IL1RAPL1: variants seen among roughly 807,000 people sequenced by gnomAD.
IL1RAPL1 encodes the protein interleukin 1 receptor accessory protein like 1.
IL1RAPL1 carries 3 observed loss-of-function variants against 48.4 expected under a neutral mutation model. That is an observed-to-expected ratio of 0.06 (90% CI 0.03 to 0.16). The LOEUF (loss-of-function observed/expected upper bound fraction) is 0.16. Among genes scored for constraint, IL1RAPL1 ranks in the 10% least tolerant of loss-of-function variants. The pLI is 1.00. For synonymous variants in IL1RAPL1, 185 were observed against 187.7 expected (o/e 0.99, Z 0.12); for missense variants, 349 against 530.6 (o/e 0.66, Z 3.36).
intron 1 of IL1RAPL1, among the ~76,000 whole-genome samples, chrX:28,615,197 CTGTT>C (rs1934200067): frequency 9.1e-5 from 3 of 33,022 alleles, no homozygotes; most frequent in Admixed American, 4.8e-4. Context: ...CAACTGTTGT[CTGTT>C]TTTTTTTTTT....
intron 9 of IL1RAPL1, 54 bp downstream of exon 9, chrX:29,941,848 T>G (rs1933134639): frequency 8.8e-7 from 1 of 1,133,907 alleles, no homozygotes; most frequent in African/African-American, 1.8e-5. Flanking sequence ...TTCTTTCTTG[T>G]CTTTGTTTTA....
intron 2 of IL1RAPL1, among the ~76,000 whole-genome samples, chrX:29,185,499 C>T (rs1930232985): frequency 8.9e-6 from 1 of 111,972 alleles, no homozygotes; most frequent in Non-Finnish European, 1.9e-5. Context: ...CAGTAAAGCA[C>T]TTACCGCAAT....
chrX:29,483,410 T>A (rs1036582157), intron 5 of IL1RAPL1, among the ~76,000 whole-genome samples: 1 of 111,423 alleles, frequency 9.0e-6, no homozygotes, highest in African/African-American at 3.3e-5. Flanking sequence ...GTGAAAAATA[T>A]CATGTTGGTG....
At chrX:29,562,040 C>G (rs1372131344) in intron 5 of IL1RAPL1, among the ~76,000 whole-genome samples, 1 of 61,614 alleles carries the variant, frequency 1.6e-5, no homozygotes, top group Admixed American at 1.9e-4. Context: ...TCAATTCTAT[C>G]TATCTATCTA....
At chrX:28,662,324 G>A (rs1934832152) in intron 1 of IL1RAPL1, among the ~76,000 whole-genome samples, 1 of 111,607 alleles carries the variant, frequency 9.0e-6, no homozygotes, top group Non-Finnish European at 1.9e-5. Context: ...TTTTGTTTTA[G>A]AAAGAGCCTT....
intron 2 of IL1RAPL1, among the ~76,000 whole-genome samples, chrX:29,163,227 G>A (rs187924492): frequency 3.6e-5 from 4 of 111,448 alleles, no homozygotes; most frequent in Non-Finnish European, 7.5e-5. Flanking sequence ...GAAGGTAATA[G>A]GGAACAAAGG....
At position 29,365,965 on chromosome X, in the gene IL1RAPL1, C is replaced by T. The variant is rs774043691; in HGVS notation, c.363-30293C>T. Among the ~76,000 whole-genome samples the T allele has an allele frequency of 1.1e-4, 11 of 104,562 alleles. No individual in the cohort carries two copies. In the East Asian group the frequency reaches 2.1e-3, roughly 20 times the overall value. The allele number at this position is 104,562 out of a possible 115,157, so 90.8% of individuals were successfully genotyped here. ...CTGAGGCAGGAGAATTGCTTAAACC[C>T]GGGAGGTGGAGGCTGCAGTGAGCCA... On this transcript the variant is annotated intron_variant, in intron 3 of 10. Transcript: ENST00000378993.
chrX:28,996,857 T>G (rs5985814), intron 2 of IL1RAPL1, among the ~76,000 whole-genome samples: 47,441 of 109,899 alleles, frequency 0.43, 7,429 homozygotes, highest in Middle Eastern at 0.57. Flanking sequence ...TTTGTGTGAT[T>G]ATTGGCCATT....
At chrX:29,885,858 T>C (rs985227969) in intron 6 of IL1RAPL1, among the ~76,000 whole-genome samples, 1 of 111,204 alleles carries the variant, frequency 9.0e-6, no homozygotes. Flanking sequence ...AATTAAATTA[T>C]AACTATGAAA....
intron 5 of IL1RAPL1, among the ~76,000 whole-genome samples, chrX:29,452,543 G>T (rs1275032568): frequency 2.7e-5 from 3 of 111,716 alleles, no homozygotes; most frequent in Non-Finnish European, 3.8e-5. Context: ...AAAATGATAT[G>T]TTTTTTCTTG....
intron 6 of IL1RAPL1, among the ~76,000 whole-genome samples, chrX:29,791,726 C>CTTTTTT: frequency 1.3e-5 from 1 of 75,389 alleles, no homozygotes; most frequent in Non-Finnish European, 2.5e-5. Flanking sequence ...GCCCAGCCTT[C>CTTTTTT]TTTTTTTTTT....
intron 8 of IL1RAPL1, among the ~76,000 whole-genome samples, chrX:29,939,500 C>T (rs1017065316): frequency 8.9e-6 from 1 of 111,746 alleles, no homozygotes; most frequent in Non-Finnish European, 1.9e-5. Context: ...AGCCGCTCAC[C>T]CTTTCTGTTC....
At chrX:29,216,888 A>T (rs1390101384) in intron 2 of IL1RAPL1, among the ~76,000 whole-genome samples, 1 of 111,995 alleles carries the variant, frequency 8.9e-6, no homozygotes, top group Non-Finnish European at 1.9e-5. Context: ...GAGGTGACAC[A>T]AGAGGCCAAA....
At chrX:28,702,609 G>A (rs1935313713) in intron 1 of IL1RAPL1, among the ~76,000 whole-genome samples, 1 of 111,652 alleles carries the variant, frequency 9.0e-6, no homozygotes, top group South Asian at 3.7e-4. Flanking sequence ...GTAGTTTTTA[G>A]AGAACTGTTG....
At chrX:29,069,830 A>G (rs948417535) in intron 2 of IL1RAPL1, among the ~76,000 whole-genome samples, 1 of 111,762 alleles carries the variant, frequency 8.9e-6, no homozygotes, top group African/African-American at 3.3e-5. Context: ...CCTTTCCTGA[A>G]TATTAGCAAC....
chrX:28,885,494 C>T (rs1327230073), intron 2 of IL1RAPL1, among the ~76,000 whole-genome samples: 1 of 111,374 alleles, frequency 9.0e-6, no homozygotes, highest in Non-Finnish European at 1.9e-5. Context: ...AATTCCTACT[C>T]TCAAGTTGAA....
chrX:29,539,983 AG>A (rs1327825873), intron 5 of IL1RAPL1, among the ~76,000 whole-genome samples: 3 of 112,025 alleles, frequency 2.7e-5, no homozygotes, highest in Non-Finnish European at 5.6e-5. Flanking sequence ...GAAAAGAAGG[AG>A]TCAAACTATA....
chrX:28,742,361 C>G (rs1935919637), intron 1 of IL1RAPL1, among the ~76,000 whole-genome samples: 1 of 111,512 alleles, frequency 9.0e-6, no homozygotes, highest in Non-Finnish European at 1.9e-5. Flanking sequence ...TGCAGTTCAA[C>G]AAAATCAATG....
chrX:29,763,845 A>G (rs1411318081), intron 6 of IL1RAPL1, among the ~76,000 whole-genome samples: 3 of 110,538 alleles, frequency 2.7e-5, no homozygotes, highest in East Asian at 5.6e-4. Context: ...TATATATTAT[A>G]TACTTTACAC....
Sources: allele counts gnomAD v4.1 joint callset (sites outside exome capture counted in the v4.1 genomes callset), GRCh38; gene constraint gnomAD v4.1.1; transcripts MANE v1.5; gene names NCBI Gene and HGNC (gene_info 2026-07-23, HGNC 2026-07-21).